SAMD4A: variants seen among roughly 807,000 people sequenced by gnomAD.
SAMD4A encodes sterile alpha motif domain containing 4A.
Under a neutral mutation model 81.3 loss-of-function variants are expected in SAMD4A, and 33 were observed. The observed-to-expected ratio is 0.41, with a 90% CI of 0.31 to 0.54. The LOEUF is 0.54. Among genes scored for constraint, SAMD4A ranks in the 20% least tolerant of loss-of-function variants. The pLI is 0.37. For synonymous variants in SAMD4A, 389 were observed against 382.1 expected (o/e 1.02, Z -0.21); for missense variants, 854 against 951.1 (o/e 0.90, Z 1.34).
At chr14:54,616,960 C>A (rs543641943) in intron 2 of SAMD4A, among the ~76,000 whole-genome samples, 1 of 152,186 alleles carries the variant, frequency 6.6e-6, no homozygotes, top group African/African-American at 2.4e-5. Flanking sequence ...GCCTGGACCT[C>A]AAATTATTTC....
At chr14:54,755,904 T>A (rs1410534194) in intron 6 of SAMD4A, among the ~76,000 whole-genome samples, 2 of 152,186 alleles carry the variant, frequency 1.3e-5, no homozygotes, top group Non-Finnish European at 2.9e-5. Context: ...TGAGCCTGGG[T>A]CCTTGGCATG....
At chr14:54,595,266 C>A (rs2033881264) in intron 2 of SAMD4A, among the ~76,000 whole-genome samples, 1 of 152,072 alleles carries the variant, frequency 6.6e-6, no homozygotes, top group South Asian at 2.1e-4. Flanking sequence ...CATTTGAGCA[C>A]ATCTTCACTA....
chr14:54,674,397 G>A (rs930575603), intron 2 of SAMD4A, among the ~76,000 whole-genome samples: 8 of 152,222 alleles, frequency 5.3e-5, no homozygotes, highest in African/African-American at 1.9e-4. Context: ...TGACCTCTTC[G>A]GCATGCCCAA....
chr14:54,762,722 C>T (rs1307818841), intron 7 of SAMD4A, among the ~76,000 whole-genome samples: 1 of 152,226 alleles, frequency 6.6e-6, no homozygotes, highest in Non-Finnish European at 1.5e-5. Context: ...TTCAAATTAA[C>T]AACATGGTGG....
chr14:54,770,843 C>T (rs2038684224), intron 9 of SAMD4A, among the ~76,000 whole-genome samples: 1 of 152,144 alleles, frequency 6.6e-6, no homozygotes, highest in Non-Finnish European at 1.5e-5. Flanking sequence ...TAAAGATGAA[C>T]TGCAGTGACA....
chr14:54,739,055 C>CTTTTTTTTTTTTTTT lies in SAMD4A; in HGVS notation c.979+1773_979+1787dup, dbSNP rs3051648. 8.0e-4 allele frequency among the ~76,000 whole-genome samples: 78 copies of CTTTTTTTTTTTTTTT among 97,332 alleles called. 7 individuals are homozygous for CTTTTTTTTTTTTTTT. Among genetic ancestry groups the CTTTTTTTTTTTTTTT allele is most frequent in the East Asian group, 2.7e-3 (9 of 3,312 alleles). The allele number at this position is 97,332 out of a possible 152,430, so 63.9% of individuals were successfully genotyped here. A position where few individuals can be genotyped will look rare whatever the true frequency, so the allele number is the denominator to read the frequency against. ...TACTTTGTTTTCTTTCTTTCCTTTT[C>CTTTTTTTTTTTTTTT]TTTTTTTTTTTTTTTTTTTGAGGCC... On this transcript the variant is annotated intron_variant, in intron 4 of 12. Transcript: ENST00000554335.
Position 54,727,166 on chromosome 14 carries a change from C to CTTTTTTTTTTTTTTTTTTTTTTTTTTTT in SAMD4A, c.716-9844_716-9817dup, listed in dbSNP as rs567831973. On this transcript the variant is annotated intron_variant, in intron 3 of 12. Coordinates refer to ENST00000554335, the MANE Select transcript of SAMD4A (RefSeq NM_015589.6). ...TTATCACAACAGCCTTCTTTTTTTCCTTTTTTTTTTTTTTTTTTTTTTTTT... is the reference window on the plus strand; with the variant it reads ...TTATCACAACAGCCTTCTTTTTTTCCTTTTTTTTTTTTTTTTTTTTTTTTTTTTTTTTTTTTTTTTTTTTTTTTTTTTT... Among the ~76,000 whole-genome samples, 4 of 59,146 alleles carry CTTTTTTTTTTTTTTTTTTTTTTTTTTTT rather than the reference C, an allele frequency of 6.8e-5. 1 individual carries two copies. Among genetic ancestry groups the CTTTTTTTTTTTTTTTTTTTTTTTTTTTT allele is most frequent in the Non-Finnish European group, 1.3e-4 (4 of 29,778 alleles). 38.8% of individuals were successfully genotyped at this position (59,146 alleles called of 152,430 possible). A position where few individuals can be genotyped will look rare whatever the true frequency, so the allele number is the denominator to read the frequency against.
chr14:54,626,069 CGCGCGCGA>C, intron 2 of SAMD4A, among the ~76,000 whole-genome samples: 1 of 110,858 alleles, frequency 9.0e-6, no homozygotes, highest in Admixed American at 8.9e-5. Flanking sequence ...TGCGCGCGCG[CGCGCGCGA>C]GTGCGCACAT....
intron 2 of SAMD4A, among the ~76,000 whole-genome samples, chr14:54,591,225 C>G (rs965513497): frequency 6.6e-6 from 1 of 152,184 alleles, no homozygotes; most frequent in Admixed American, 6.5e-5. Flanking sequence ...GACTCTAGCT[C>G]TATCCCTGGG....
intron 2 of SAMD4A, among the ~76,000 whole-genome samples, chr14:54,696,266 ATC>A (rs1159913320): frequency 6.6e-6 from 1 of 152,248 alleles, no homozygotes; most frequent in African/African-American, 2.4e-5. Flanking sequence ...GCTGAAAAAT[ATC>A]TCTACAAATA....
chr14:54,696,512 C>A (rs1033593871), intron 2 of SAMD4A, among the ~76,000 whole-genome samples: 1 of 152,168 alleles, frequency 6.6e-6, no homozygotes, highest in Admixed American at 6.5e-5. Context: ...TGCCTAAATG[C>A]GCTTGTGAGA....
At chr14:54,753,138 C>T (rs1218007161) in intron 6 of SAMD4A, among the ~76,000 whole-genome samples, 1 of 152,244 alleles carries the variant, frequency 6.6e-6, no homozygotes, top group Admixed American at 6.5e-5. Flanking sequence ...AAGAGGCTTT[C>T]CTCTTTTACT....
chr14:54,701,365 G>C (rs937292096), intron 2 of SAMD4A, among the ~76,000 whole-genome samples: 1 of 152,126 alleles, frequency 6.6e-6, no homozygotes, highest in Non-Finnish European at 1.5e-5. Flanking sequence ...AATGTTATGT[G>C]TATTTTACCA....
chr14:54,752,072 TTTAAC>T (rs1294880636), intron 6 of SAMD4A, among the ~76,000 whole-genome samples: 1 of 152,228 alleles, frequency 6.6e-6, no homozygotes, highest in African/African-American at 2.4e-5. Flanking sequence ...AATTCCAGGC[TTTAAC>T]TTAACAACAG....
chr14:54,780,752 G>T (rs2038979608), intron 11 of SAMD4A, among the ~76,000 whole-genome samples: 1 of 152,160 alleles, frequency 6.6e-6, no homozygotes, highest in South Asian at 2.1e-4. Flanking sequence ...TGAAAGCGTT[G>T]GTCCCAGAGG....
intron 3 of SAMD4A, among the ~76,000 whole-genome samples, chr14:54,725,661 C>T (rs986920303): frequency 2.0e-5 from 3 of 152,222 alleles, no homozygotes; most frequent in African/African-American, 7.2e-5. Context: ...GTTATTCTTA[C>T]TCTAACAGCT....
intron 3 of SAMD4A, among the ~76,000 whole-genome samples, chr14:54,725,648 C>T (rs559301874): frequency 3.3e-5 from 5 of 152,252 alleles, no homozygotes; most frequent in African/African-American, 1.2e-4. Context: ...TGGTTTATAC[C>T]AAGTTATTCT....
chr14:54,782,375 G>C (rs1328971981), intron 11 of SAMD4A, among the ~76,000 whole-genome samples: 2 of 151,048 alleles, frequency 1.3e-5, no homozygotes, highest in Admixed American at 6.6e-5. Context: ...ATATAAAATT[G>C]TGTTTCTATT....
rs2039075467 is a variant in SAMD4A at position 54,784,208 on chromosome 14, G to C, written c.2045-329G>C. 6 of 686,480 alleles carry C rather than the reference G, an allele frequency of 8.7e-6. No homozygotes were observed. The South Asian group carries it at 1.0e-4, about 12-fold the overall frequency. The allele number at this position is 686,480 out of a possible 1,614,324, so 42.5% of individuals were successfully genotyped here. On this transcript the variant is annotated intron_variant, in intron 11 of 12. Coordinates refer to ENST00000554335, the MANE Select transcript of SAMD4A (RefSeq NM_015589.6). ...AGGGTACAGAGATAACAAGGGCCTG[G>C]ATCATGCGGGGCCTTATGGGCCAGG...
Sources: allele counts gnomAD v4.1 joint callset (sites outside exome capture counted in the v4.1 genomes callset), GRCh38; gene constraint gnomAD v4.1.1; transcripts MANE v1.5; gene names NCBI Gene and HGNC (gene_info 2026-07-23, HGNC 2026-07-21).